Variants in PRKG1 observed in about 807,000 individuals in gnomAD.
The protein encoded by PRKG1 is protein kinase cGMP-dependent 1.
In PRKG1, 35 loss-of-function variants were observed where a neutral mutation model predicts 88.1. That is an observed-to-expected ratio of 0.40 (90% CI 0.30 to 0.53). The LOEUF (loss-of-function observed/expected upper bound fraction) is 0.53, where lower values mean the gene tolerates loss of function less well. PRKG1 is among the 20% of genes least tolerant of loss of function. PRKG1 has a pLI of 0.59. For synonymous variants in PRKG1, 303 were observed against 292.5 expected, an observed-to-expected ratio of 1.04 and a Z score of -0.37; for missense variants, 540 against 839.8, an observed-to-expected ratio of 0.64 and a Z score of 4.41.
At chr10:51,787,067 C>T (rs563574938) in intron 3 of PRKG1, among the ~76,000 whole-genome samples, 3 of 152,184 alleles carry the variant, frequency 2.0e-5, no homozygotes, top group East Asian at 1.9e-4. Context: ...TGGGAATGTC[C>T]TTGAAGGACT....
intron 10 of PRKG1, among the ~76,000 whole-genome samples, chr10:52,270,833 C>T (rs536426112): frequency 5.9e-5 from 9 of 151,432 alleles, no homozygotes; most frequent in East Asian, 2.0e-4. Context: ...AACAAACCTG[C>T]GCGTTGTACA....
chr10:52,289,331 C>T (rs1467038319), intron 16 of PRKG1, among the ~76,000 whole-genome samples: 1 of 152,070 alleles, frequency 6.6e-6, no homozygotes, highest in Admixed American at 6.6e-5. Context: ...CCTACTGTAT[C>T]TTACCTGATT....
intron 7 of PRKG1, among the ~76,000 whole-genome samples, chr10:52,078,209 GTTTAC>G (rs1846680790): frequency 6.6e-6 from 1 of 152,162 alleles, no homozygotes; most frequent in Non-Finnish European, 1.5e-5. Flanking sequence ...AATAGAATTT[GTTTAC>G]TTTAAGTCTT....
At chr10:51,951,137 C>T (rs1843174251) in intron 5 of PRKG1, among the ~76,000 whole-genome samples, 2 of 152,186 alleles carry the variant, frequency 1.3e-5, no homozygotes, top group South Asian at 4.1e-4. Context: ...GGGTTTCATC[C>T]AGGACCAGCA....
intron 2 of PRKG1, among the ~76,000 whole-genome samples, chr10:51,197,282 T>C (rs1197057817): frequency 6.6e-6 from 1 of 152,166 alleles, no homozygotes; most frequent in Non-Finnish European, 1.5e-5. Context: ...TTTATTTAAA[T>C]TGTTTTTTGA....
intron 1 of PRKG1, among the ~76,000 whole-genome samples, chr10:51,083,708 C>A (rs953662615): frequency 3.9e-5 from 6 of 152,076 alleles, no homozygotes; most frequent in African/African-American, 1.4e-4. Flanking sequence ...GAGACGACAC[C>A]TGCAATAAAA....
chr10:52,206,759 T>C (rs1227609925), intron 9 of PRKG1, among the ~76,000 whole-genome samples: 1 of 152,186 alleles, frequency 6.6e-6, no homozygotes, highest in Non-Finnish European at 1.5e-5. Flanking sequence ...TTCTATCCTG[T>C]CTCCCCTGGA....
At chr10:51,737,477 G>C (rs1837308719) in intron 3 of PRKG1, among the ~76,000 whole-genome samples, 1 of 152,136 alleles carries the variant, frequency 6.6e-6, no homozygotes, top group Non-Finnish European at 1.5e-5. Context: ...GACGTTAAAT[G>C]GCAGGGAGTC....
chr10:51,542,036 T>C (rs1365545361), intron 3 of PRKG1, among the ~76,000 whole-genome samples: 1 of 152,082 alleles, frequency 6.6e-6, no homozygotes, highest in Non-Finnish European at 1.5e-5. Flanking sequence ...CCCAGGCTCT[T>C]CATTAGTAAC....
At chr10:52,213,623 G>T (rs1054259750) in intron 9 of PRKG1, among the ~76,000 whole-genome samples, 1 of 152,158 alleles carries the variant, frequency 6.6e-6, no homozygotes, top group Non-Finnish European at 1.5e-5. Flanking sequence ...CAGGAAGCTG[G>T]GTTCAACTAA....
chr10:51,616,210 G>C (rs528980253), intron 3 of PRKG1, among the ~76,000 whole-genome samples: 3 of 152,368 alleles, frequency 2.0e-5, no homozygotes, highest in Admixed American at 2.0e-4. Context: ...GTGATTGGCT[G>C]AGTATACACA....
intron 2 of PRKG1, among the ~76,000 whole-genome samples, chr10:51,185,454 T>C (rs920240829): frequency 1.3e-5 from 2 of 152,062 alleles, no homozygotes; most frequent in African/African-American, 4.8e-5. Context: ...TTAATTTTGA[T>C]GTTTTCTCTC....
At chr10:51,767,333 C>T (rs1838190179) in intron 3 of PRKG1, among the ~76,000 whole-genome samples, 1 of 147,580 alleles carries the variant, frequency 6.8e-6, no homozygotes. Flanking sequence ...GTAGAATTTA[C>T]TCTCTCTCTC....
At chr10:52,131,249 G>T (rs75069889) in intron 7 of PRKG1, among the ~76,000 whole-genome samples, 168 of 152,192 alleles carry the variant, frequency 1.1e-3, no homozygotes, top group African/African-American at 3.7e-3. Context: ...CTATGGTCCC[G>T]GCCCTCATAG....
chr10:51,461,258 G>T lies in PRKG1; in HGVS notation c.479-6465G>T, dbSNP rs559460610. Among the ~76,000 whole-genome samples the T allele has an allele frequency of 2.0e-5, 3 of 152,102 alleles. No homozygotes were observed. The South Asian group carries it at 6.2e-4, about 32-fold the overall frequency. ...CAACTAGACTTTTCCATCTCACATT[G>T]TTTCATTCCATTTGGATAACTAGTG... On this transcript the variant is annotated intron_variant, in intron 2 of 17. Coordinates refer to ENST00000373980, the MANE Select transcript of PRKG1 (RefSeq NM_006258.4).
At chr10:51,051,952 T>C (rs2132769992) in intron 1 of PRKG1, among the ~76,000 whole-genome samples, 1 of 152,252 alleles carries the variant, frequency 6.6e-6, no homozygotes, top group Non-Finnish European at 1.5e-5. Context: ...TTAAAATACT[T>C]TGATAAATAA....
At chr10:52,127,945 A>G in intron 7 of PRKG1, 1 of 883,100 alleles carries the variant, frequency 1.1e-6, no homozygotes, top group Non-Finnish European at 1.4e-6. Flanking sequence ...TCAAAAAAGC[A>G]TAGTCAGATT....
At chr10:51,424,646 A>T (rs934667006) in intron 2 of PRKG1, among the ~76,000 whole-genome samples, 3 of 152,162 alleles carry the variant, frequency 2.0e-5, no homozygotes, top group Non-Finnish European at 4.4e-5. Flanking sequence ...GAACAGTTAC[A>T]TGACCCCTAC....
intron 11 of PRKG1, among the ~76,000 whole-genome samples, 170 bp from the exon 12 acceptor site, chr10:52,272,222 C>T (rs949302690): frequency 2.0e-5 from 3 of 152,014 alleles, no homozygotes; most frequent in African/African-American, 7.2e-5. Context: ...TATTAAAATC[C>T]TATTCATGAG....
Sources: gnomAD v4.1 joint callset for allele counts (sites outside exome capture counted in the v4.1 genomes callset) on GRCh38, gnomAD v4.1.1 for gene constraint, MANE v1.5 for transcripts, NCBI Gene and HGNC (gene_info 2026-07-23, HGNC 2026-07-21) for gene names.